Variants in STAU1 observed in about 807,000 individuals in gnomAD.
STAU1 encodes the protein double-stranded RNA-binding protein Staufen homolog 1.
A neutral mutation model predicts 62.9 loss-of-function variants in STAU1; 13 were observed. The observed-to-expected ratio is 0.21, with a 90% CI of 0.13 to 0.33. The LOEUF is 0.33. STAU1 is among the 10% of genes least tolerant of loss of function. The pLI, the probability that STAU1 is intolerant of heterozygous loss-of-function variation, is 1.00. For missense variants in STAU1, 571 were observed against 712.1 expected (o/e 0.80, Z 2.25); for synonymous variants, 269 against 265.1 (o/e 1.01, Z -0.14).
chr20:49,134,299 C>T (rs767386284), intron 6 of STAU1, among the ~76,000 whole-genome samples: 2 of 151,858 alleles, frequency 1.3e-5, no homozygotes, highest in East Asian at 1.9e-4. Flanking sequence ...GGCATGGTGG[C>T]GTATGCCTGT....
intron 3 of STAU1, among the ~76,000 whole-genome samples, chr20:49,162,642 G>A (rs960758390): frequency 1.3e-5 from 2 of 151,854 alleles, no homozygotes; most frequent in African/African-American, 4.8e-5. Context: ...CGGGCATGGT[G>A]GCGGGCGCCT....
chr20:49,119,892 C>T (rs1040519959), intron 9 of STAU1, 90 bp downstream of exon 9: 3 of 1,464,214 alleles, frequency 2.0e-6, no homozygotes, highest in African/African-American at 2.8e-5. Context: ...GCAGATAAAG[C>T]CTTGCCTTGA....
chr20:49,195,909 A>C, the STAU1 span, among the ~76,000 whole-genome samples: 5 of 91,516 alleles, frequency 5.5e-5, no homozygotes, highest in Non-Finnish European at 1.0e-4. Context: ...AAAAAAAAAA[A>C]AAAAAAAAGA....
At chr20:49,196,296 CAA>C in the STAU1 span, among the ~76,000 whole-genome samples, 11 of 151,054 alleles carry the variant, frequency 7.3e-5, no homozygotes, top group Non-Finnish European at 1.5e-4. Context: ...ATTAGCCGGG[CAA>C]GGTGGCGGGC....
In STAU1 at chr20:49,120,007, T is replaced by C. The variant is rs1477921648; in HGVS notation, c.1088A>G (p.Lys363Arg). 1 of 1,614,156 alleles carries C rather than the reference T, an allele frequency of 6.2e-7. No individual in the cohort carries two copies. Among genetic ancestry groups the C allele is most frequent in the African/African-American group, 1.3e-5 (1 of 75,042 alleles). Reference protein sequence around the residue: ...GFKVPQAQPTKPALKSEEKTP... With the variant: ...GFKVPQAQPTRPALKSEEKTP... ...CTTCTCCTCTGACTTGAGTGCGGGTTTGGTGGGCTGCGCCTGCGGGACTTT... is the reference window on the plus strand; with the variant it reads ...CTTCTCCTCTGACTTGAGTGCGGGTCTGGTGGGCTGCGCCTGCGGGACTTT... Residue 363 changes from lysine (K) to arginine (R), a missense_variant, in exon 9 of 14, where the codon AAA becomes AGA. Coordinates refer to ENST00000371856, the MANE Select transcript of STAU1 (RefSeq NM_017453.4).
intron 3 of STAU1, chr20:49,158,306 A>C: frequency 1.6e-6 from 1 of 619,332 alleles, no homozygotes; most frequent in Non-Finnish European, 2.5e-6. Context: ...AAATTAATTG[A>C]AGCTTTTATT....
At chr20:49,202,416 T>C in the STAU1 span, among the ~76,000 whole-genome samples, 1 of 150,662 alleles carries the variant, frequency 6.6e-6, no homozygotes, top group African/African-American at 2.4e-5. Flanking sequence ...ACATAAAAAT[T>C]AGCCGGGCTT....
chr20:49,143,220 T>C (rs945420690), intron 5 of STAU1, among the ~76,000 whole-genome samples: 21 of 152,188 alleles, frequency 1.4e-4, no homozygotes, highest in African/African-American at 5.1e-4. Context: ...AGTGGGCACT[T>C]AGTCTTATCT....
intron 5 of STAU1, among the ~76,000 whole-genome samples, chr20:49,146,845 C>T (rs1044931186): frequency 2.5e-4 from 38 of 152,056 alleles, no homozygotes; most frequent in Admixed American, 1.4e-3. Context: ...CTCTGGTACT[C>T]AGGGGATAAA....
At position 49,153,906 on chromosome 20, in the gene STAU1, CAAAAAAAAA is replaced by C; in HGVS notation, c.344+18_344+26del. The C allele has an allele frequency of 7.3e-7, 1 of 1,369,710 alleles. No individual in the cohort carries two copies. Among genetic ancestry groups the C allele is most frequent in the Non-Finnish European group, 9.5e-7 (1 of 1,056,606 alleles). 84.8% of individuals were successfully genotyped at this position (1,369,710 alleles called of 1,614,324 possible). On this transcript the variant is annotated intron_variant, in intron 4 of 13. Coordinates refer to ENST00000371856, the MANE Select transcript of STAU1 (RefSeq NM_017453.4). ...CAGACACGTTTTCTCCTGTATTTTA[CAAAAAAAAA>C]AAAAAAAAAACACATACCTCGGGGG...
At chr20:49,168,363 G>A (rs916884769) in intron 2 of STAU1, among the ~76,000 whole-genome samples, 3 of 152,166 alleles carry the variant, frequency 2.0e-5, no homozygotes, top group Non-Finnish European at 4.4e-5. Context: ...TTACAAGTGT[G>A]AGGCACCGCA....
chr20:49,176,302 A>G (rs576553215), intron 1 of STAU1, among the ~76,000 whole-genome samples: 34 of 152,340 alleles, frequency 2.2e-4, no homozygotes, highest in African/African-American at 8.2e-4. Context: ...GCAGAATATG[A>G]AAAAAGCACA....
the STAU1 span, among the ~76,000 whole-genome samples, chr20:49,209,895 A>T: frequency 5.9e-5 from 9 of 151,434 alleles, no homozygotes; most frequent in Non-Finnish European, 8.8e-5. Context: ...AAAAATACAA[A>T]AAAATTAGCC....
At chr20:49,183,069 T>C (rs1350113667) in intron 1 of STAU1, among the ~76,000 whole-genome samples, 1 of 152,180 alleles carries the variant, frequency 6.6e-6, no homozygotes, top group African/African-American at 2.4e-5. Context: ...GCACAAATGG[T>C]ATACAGCCTT....
intron 6 of STAU1, among the ~76,000 whole-genome samples, chr20:49,132,104 A>G (rs1036141453): frequency 6.6e-6 from 1 of 152,034 alleles, no homozygotes; most frequent in Non-Finnish European, 1.5e-5. Context: ...GGCCAGGAGC[A>G]GAGGTGTGGG....
chr20:49,197,683 T>G, the STAU1 span, among the ~76,000 whole-genome samples: 2 of 152,056 alleles, frequency 1.3e-5, no homozygotes, highest in African/African-American at 4.8e-5. Context: ...ATTACAGTCA[T>G]GAGCCACGGT....
chr20:49,217,062 T>C, the STAU1 span, among the ~76,000 whole-genome samples: 10 of 152,108 alleles, frequency 6.6e-5, no homozygotes, highest in Admixed American at 4.6e-4. Context: ...GACCCAAACC[T>C]TGGAGAATGA....
At chr20:49,139,254 C>T (rs531893267) in intron 5 of STAU1, among the ~76,000 whole-genome samples, 33 of 152,300 alleles carry the variant, frequency 2.2e-4, no homozygotes, top group African/African-American at 6.7e-4. Context: ...AAATTTAAAA[C>T]ATTCATGCAT....
the STAU1 span, among the ~76,000 whole-genome samples, chr20:49,205,163 T>C: frequency 6.6e-6 from 1 of 152,148 alleles, no homozygotes; most frequent in African/African-American, 2.4e-5. Flanking sequence ...CCGTGCTATA[T>C]AAATTTAAAA....
Sources: gnomAD v4.1 joint callset for allele counts (sites outside exome capture counted in the v4.1 genomes callset) on GRCh38, gnomAD v4.1.1 for gene constraint, MANE v1.5 for transcripts, NCBI Gene and HGNC (gene_info 2026-07-23, HGNC 2026-07-21) for gene names.